The following FAM161A variants were observed in gnomAD, a reference collection of about 807,000 sequenced individuals.
FAM161A encodes protein FAM161A.
In FAM161A, 57 loss-of-function variants were observed where a neutral mutation model predicts 70.9. The ratio of observed to expected loss-of-function variants is 0.80; its 90% CI spans 0.65 to 1.00. FAM161A has a LOEUF of 1.00. Among genes scored for constraint, FAM161A ranks in the 50% least tolerant of loss-of-function variants. The pLI, the probability that FAM161A is intolerant of heterozygous loss-of-function variation, is 0.00. For missense variants in FAM161A, 880 were observed against 836.0 expected, an observed-to-expected ratio of 1.05 and a Z score of -0.65; for synonymous variants, 299 against 295.7, an observed-to-expected ratio of 1.01 and a Z score of -0.12.
At chr2:61,803,262 TC>T in the FAM161A span, 2 of 623,718 alleles carry the variant, frequency 3.2e-6, no homozygotes, top group African/African-American at 3.7e-5. Flanking sequence ...CATTCAGAAC[TC>T]ATGCTGGTGG....
chr2:61,805,551 G>A, the FAM161A span, among the ~76,000 whole-genome samples: 1 of 152,138 alleles, frequency 6.6e-6, no homozygotes, highest in East Asian at 1.9e-4. Context: ...TTACTTGCAA[G>A]CCATTGGGGA....
chr2:61,839,866 G>C lies in FAM161A; in HGVS notation c.1138C>G (p.Arg380Gly), dbSNP rs764845483. 2.5e-6 allele frequency: 4 copies of C among 1,614,196 alleles called. No individual in the cohort carries two copies. The highest frequency in any genetic ancestry group is 1.7e-5 in the Admixed American group (1 of 60,018). Residue 380 changes from arginine (R) to glycine (G), a missense_variant, in exon 3 of 7, where the codon CGA becomes GGA. Physicochemically the swap from Arg to Gly is moderately radical, Grantham distance 125 (BLOSUM62 -2). Coordinates refer to ENST00000404929, the MANE Select transcript of FAM161A (RefSeq NM_001201543.2). ...NDKLKEEELY[R>G]NLRTQLRAQE... ...GCTCTCAGCTGTGTCCTAAGGTTTC[G>C]ATAGAGCTCTTCTTCTTTTAACTTG...
At chr2:61,812,014 A>T in the FAM161A span, among the ~76,000 whole-genome samples, 1 of 152,080 alleles carries the variant, frequency 6.6e-6, no homozygotes, top group Non-Finnish European at 1.5e-5. Flanking sequence ...CCCCAGGCCC[A>T]GGGTACGTTC....
rs371402713 is a variant in FAM161A, at chr2:61,836,080, T to C, written c.1781A>G (p.Tyr594Cys). The change falls in exon 5 of 7, where the codon TAC becomes TGC. Residue 594 changes from tyrosine to cysteine, a missense_variant. Physicochemically the swap from Tyr to Cys is radical, Grantham distance 194 (BLOSUM62 -2). Transcript: ENST00000404929. ...RKSEKERMRE[Y>C]QRELEEREEK... ...TTCTCTTTCTTCTAGTTCTCGTTGG[T>C]ATTCTCTCATCCTTTCCTTTTCGCT... is the stretch of plus-strand genomic sequence containing the variant. 2 of 1,611,190 alleles carry C rather than the reference T, an allele frequency of 1.2e-6. No individual in the cohort carries two copies. Among genetic ancestry groups the C allele is most frequent in the African/African-American group, 2.7e-5 (2 of 74,820 alleles).
At chr2:61,833,415 G>T (rs1364153223) in intron 5 of FAM161A, among the ~76,000 whole-genome samples, 1 of 128,758 alleles carries the variant, frequency 7.8e-6, no homozygotes, top group African/African-American at 2.9e-5. Context: ...GACAGAGTGA[G>T]ACTCTGTCTC....
the FAM161A span, among the ~76,000 whole-genome samples, chr2:61,815,160 A>G: frequency 1.3e-5 from 2 of 152,206 alleles, no homozygotes; most frequent in Admixed American, 6.5e-5. Context: ...CAGCTTCCAT[A>G]CAATCAAGAT....
Position 61,842,316 on chromosome 2 carries a change from C to A in FAM161A, c.228G>T (p.Pro76=). The part of the protein sequence containing the change: ...TSFSGVDEHA[P]ISYEDFVNFP... ...AGTTCACAAAGTCCTCATAGCTTAT[C>A]GGTGCATGTTCATCCACCCCAGAAA... The change falls in exon 2 of 7, where the codon CCG becomes CCT. Residue 76 remains proline, a synonymous_variant. Coordinates refer to ENST00000404929, the MANE Select transcript of FAM161A (RefSeq NM_001201543.2). 6.3e-7 allele frequency: 1 copy of A among 1,591,292 alleles called. No homozygotes were observed. The highest frequency in any genetic ancestry group is 8.6e-7 in the Non-Finnish European group (1 of 1,167,642).
the FAM161A span, among the ~76,000 whole-genome samples, chr2:61,810,453 CTTTTTTTTT>C: frequency 1.0e-5 from 1 of 95,616 alleles, no homozygotes; most frequent in African/African-American, 4.3e-5. Context: ...CCAGCACTTC[CTTTTTTTTT>C]TTTTTTTTTT....
chr2:61,802,929 A>T, the FAM161A span, among the ~76,000 whole-genome samples: 1 of 152,216 alleles, frequency 6.6e-6, no homozygotes, highest in Non-Finnish European at 1.5e-5. Flanking sequence ...GAAGTAAACC[A>T]GCAACTTGAT....
At chr2:61,807,633 A>ATTT in the FAM161A span, among the ~76,000 whole-genome samples, 935 of 113,268 alleles carry the variant, frequency 8.3e-3, 19 homozygotes, top group African/African-American at 0.026. Flanking sequence ...TGGACTCCAG[A>ATTT]TTTTTTTTTT....
At chr2:61,824,262 T>A (rs1285693037), downstream of FAM161A, among the ~76,000 whole-genome samples, 11 of 150,214 alleles carry the variant, frequency 7.3e-5, no homozygotes. Flanking sequence ...ATGGTCTCGA[T>A]CTCCTGACCT....
downstream of FAM161A, among the ~76,000 whole-genome samples, chr2:61,823,929 C>T (rs1223382545): frequency 6.6e-6 from 1 of 152,098 alleles, no homozygotes; most frequent in Admixed American, 6.5e-5. Context: ...AGTTACCTAA[C>T]ACCTGAAAAC....
At chr2:61,810,074 G>A in the FAM161A span, among the ~76,000 whole-genome samples, 1 of 152,190 alleles carries the variant, frequency 6.6e-6, no homozygotes, top group South Asian at 2.1e-4. Flanking sequence ...TTGTCACCCA[G>A]TTGAGTCCAG....
the FAM161A span, among the ~76,000 whole-genome samples, chr2:61,817,902 A>G: frequency 1.3e-5 from 2 of 151,886 alleles, no homozygotes; most frequent in Non-Finnish European, 2.9e-5. Flanking sequence ...GGAGGTTGAG[A>G]CTGCAGTGAT....
At chr2:61,810,428 G>C in the FAM161A span, among the ~76,000 whole-genome samples, 18 of 151,094 alleles carry the variant, frequency 1.2e-4, no homozygotes, top group Non-Finnish European at 2.5e-4. Flanking sequence ...ATGGTTCCCT[G>C]GGGGATTTAG....
chr2:61,852,873 T>C (rs916919360), intron 1 of FAM161A, among the ~76,000 whole-genome samples: 3 of 152,106 alleles, frequency 2.0e-5, no homozygotes, highest in African/African-American at 7.2e-5. Context: ...TGAGAAGCTT[T>C]GGACACATGG....
At chr2:61,823,973 A>G (rs577988467), downstream of FAM161A, among the ~76,000 whole-genome samples, 3 of 152,056 alleles carry the variant, frequency 2.0e-5, no homozygotes, top group East Asian at 5.8e-4. Context: ...TCTAACCATC[A>G]CTGTGTAATG....
Position 61,849,727 on chromosome 2 carries a change from T to C in FAM161A, c.183+4132A>G, listed in dbSNP as rs1415951983. On this transcript the variant is annotated intron_variant, in intron 1 of 6. Transcript: ENST00000404929. Reference sequence around the variant, plus strand: ...TTGAACCCAGGAGGCACAGGTCTCATTGAGCCGAGATTGTGCCACTGTACT... The same window carrying C: ...TTGAACCCAGGAGGCACAGGTCTCACTGAGCCGAGATTGTGCCACTGTACT... Among the ~76,000 whole-genome samples, 6 of 150,062 alleles carry C rather than the reference T, an allele frequency of 4.0e-5. 1 individual carries two copies. Among genetic ancestry groups the C allele is most frequent in the Admixed American group, 2.7e-4 (4 of 15,068 alleles).
intron 2 of FAM161A, among the ~76,000 whole-genome samples, chr2:61,841,804 A>C (rs1673029042): frequency 6.6e-6 from 1 of 152,204 alleles, no homozygotes; most frequent in Non-Finnish European, 1.5e-5. Context: ...GTTAATCCAC[A>C]TATTATAAAG....
Sources: gnomAD v4.1 joint callset for allele counts (sites outside exome capture counted in the v4.1 genomes callset) on GRCh38, gnomAD v4.1.1 for gene constraint, MANE v1.5 for transcripts, NCBI Gene and HGNC (gene_info 2026-07-23, HGNC 2026-07-21) for gene names.